ARHGAP32: variants seen among roughly 807,000 people sequenced by gnomAD.
ARHGAP32 encodes the protein rho GTPase-activating protein 32.
Under a neutral mutation model 186.5 loss-of-function variants are expected in ARHGAP32, and 51 were observed. The observed-to-expected ratio is 0.27, with a 90% CI of 0.22 to 0.35. ARHGAP32 has a LOEUF of 0.35. ARHGAP32 is among the 10% of genes least tolerant of loss of function. The probability of loss-of-function intolerance (pLI) is 1.00; values close to 1 mark genes in which losing one functional copy is unlikely to be tolerated. For synonymous variants in ARHGAP32, 950 were observed against 964.3 expected, an observed-to-expected ratio of 0.99 and a Z score of 0.27; for missense variants, 2,186 against 2,623.5, an observed-to-expected ratio of 0.83 and a Z score of 3.64.
At chr11:129,271,863 T>C (rs1432287829) in intron 1 of ARHGAP32, among the ~76,000 whole-genome samples, 1 of 152,056 alleles carries the variant, frequency 6.6e-6, no homozygotes, top group East Asian at 1.9e-4. Flanking sequence ...CACTGCAGTC[T>C]TGATTAAAAA....
intron 1 of ARHGAP32, among the ~76,000 whole-genome samples, chr11:129,238,882 T>C (rs2099909155): frequency 6.6e-6 from 1 of 152,138 alleles, no homozygotes; most frequent in Non-Finnish European, 1.5e-5. Context: ...TTGCCCAGGC[T>C]GGGGTGCAGT....
At chr11:129,178,573 T>C (rs566404470) in intron 1 of ARHGAP32, among the ~76,000 whole-genome samples, 415 of 151,922 alleles carry the variant, frequency 2.7e-3, no homozygotes, top group African/African-American at 9.2e-3. Flanking sequence ...CAAAACAGCA[T>C]GGTACTGGTA....
At chr11:129,238,319 C>T (rs11221614) in intron 1 of ARHGAP32, among the ~76,000 whole-genome samples, 24,153 of 152,028 alleles carry the variant, frequency 0.16, 2,075 homozygotes, top group African/African-American at 0.21. Flanking sequence ...ATAAATGGTG[C>T]TTATGCCTTT....
At chr11:129,171,038 G>A (rs1379950034) in intron 1 of ARHGAP32, among the ~76,000 whole-genome samples, 1 of 152,168 alleles carries the variant, frequency 6.6e-6, no homozygotes, top group African/African-American at 2.4e-5. Flanking sequence ...TTGTAAATAT[G>A]TTCGAAGTTC....
chr11:129,075,874 G>C (rs138657632), intron 6 of ARHGAP32, among the ~76,000 whole-genome samples: 2 of 152,160 alleles, frequency 1.3e-5, no homozygotes, highest in African/African-American at 4.8e-5. Flanking sequence ...GTGAAATGAG[G>C]CTGAGACCTA....
chr11:129,068,514 C>T (rs78827248), intron 6 of ARHGAP32, among the ~76,000 whole-genome samples: 2,312 of 152,180 alleles, frequency 0.015, 90 homozygotes, highest in Admixed American at 0.08. Context: ...CCAATTTATT[C>T]ACCCAACAGT....
intron 6 of ARHGAP32, among the ~76,000 whole-genome samples, chr11:129,091,225 T>C (rs532323768): frequency 1.3e-5 from 2 of 152,246 alleles, no homozygotes; most frequent in South Asian, 4.1e-4. Flanking sequence ...ATCTGTTCTA[T>C]TGCTTTGGGT....
intron 6 of ARHGAP32, among the ~76,000 whole-genome samples, chr11:129,083,808 G>T (rs1264873117): frequency 1.3e-5 from 2 of 151,986 alleles, no homozygotes; most frequent in South Asian, 2.1e-4. Flanking sequence ...GTAAAGAAAA[G>T]AAAATAAATA....
upstream of ARHGAP32, among the ~76,000 whole-genome samples, chr11:129,195,002 TTC>T (rs1231320147): frequency 7.3e-5 from 11 of 151,584 alleles, no homozygotes; most frequent in Non-Finnish European, 1.3e-4. Context: ...CAGGGTCTTG[TTC>T]TGTCACCTAG....
At chr11:128,978,701 A>G in intron 19 of ARHGAP32, 69 bp downstream of exon 19, 1 of 1,487,786 alleles carries the variant, frequency 6.7e-7, no homozygotes, top group Non-Finnish European at 9.0e-7. Context: ...ACAATATGTG[A>G]AGAACGTGCC....
chr11:129,216,652 C>G (rs1276660634), intron 1 of ARHGAP32, among the ~76,000 whole-genome samples: 1 of 128,302 alleles, frequency 7.8e-6, no homozygotes, highest in African/African-American at 3.0e-5. Context: ...GCCTGGGCGA[C>G]AGAGTGAGAC....
chr11:129,228,906 C>T (rs766373454), intron 1 of ARHGAP32, among the ~76,000 whole-genome samples: 4 of 152,132 alleles, frequency 2.6e-5, no homozygotes, highest in Non-Finnish European at 5.9e-5. Context: ...GCAATAAACT[C>T]CATTAAATAA....
chr11:128,993,955 TATC>T (rs1946130818), intron 12 of ARHGAP32, among the ~76,000 whole-genome samples: 1 of 152,118 alleles, frequency 6.6e-6, no homozygotes, highest in Non-Finnish European at 1.5e-5. Flanking sequence ...AAATAGATTT[TATC>T]ATAATTAGGG....
chr11:129,158,721 T>C (rs893568242), intron 2 of ARHGAP32, among the ~76,000 whole-genome samples: 1 of 152,184 alleles, frequency 6.6e-6, no homozygotes, highest in Non-Finnish European at 1.5e-5. Flanking sequence ...CTAATAGACA[T>C]TTACAGAACT....
intron 1 of ARHGAP32, among the ~76,000 whole-genome samples, 175 bp downstream of exon 1, chr11:129,191,908 G>A (rs1260321851): frequency 6.6e-6 from 1 of 152,104 alleles, no homozygotes. Context: ...TTCAGGGCAA[G>A]TTGTGGAATG....
At chr11:129,236,112 T>C (rs1291032591) in intron 1 of ARHGAP32, among the ~76,000 whole-genome samples, 1 of 152,222 alleles carries the variant, frequency 6.6e-6, no homozygotes, top group African/African-American at 2.4e-5. Context: ...GATCAAACAG[T>C]AGATCTACTT....
chr11:129,201,406 A>G (rs1268256515), intron 1 of ARHGAP32, among the ~76,000 whole-genome samples: 3 of 152,122 alleles, frequency 2.0e-5, no homozygotes, highest in Admixed American at 1.3e-4. Flanking sequence ...TTCTATAATC[A>G]TCATCTCATG....
At chr11:129,114,501 C>T (rs914467302) in intron 5 of ARHGAP32, among the ~76,000 whole-genome samples, 1 of 152,092 alleles carries the variant, frequency 6.6e-6, no homozygotes, top group Non-Finnish European at 1.5e-5. Context: ...CTAGCACATA[C>T]AAGATATTCA....
At chr11:129,004,413 G>T (rs1378025594) in intron 11 of ARHGAP32, among the ~76,000 whole-genome samples, 1 of 151,736 alleles carries the variant, frequency 6.6e-6, no homozygotes, top group Non-Finnish European at 1.5e-5. Flanking sequence ...TGCAGATTAG[G>T]TCCTATGTTG....
Sources: gnomAD v4.1 joint callset for allele counts (sites outside exome capture counted in the v4.1 genomes callset) on GRCh38, gnomAD v4.1.1 for gene constraint, MANE v1.5 for transcripts, NCBI Gene and HGNC (gene_info 2026-07-23, HGNC 2026-07-21) for gene names.